Variants in WNT2B observed in about 807,000 individuals in gnomAD.
WNT2B encodes the protein Wnt family member 2B.
A neutral mutation model predicts 40.5 loss-of-function variants in WNT2B; 19 were observed. That is an observed-to-expected ratio of 0.47 (90% CI 0.33 to 0.69). WNT2B has a LOEUF of 0.69. WNT2B is among the 30% of genes least tolerant of loss of function. WNT2B has a pLI of 0.02. For missense variants in WNT2B, 467 were observed against 556.4 expected, an observed-to-expected ratio of 0.84 and a Z score of 1.62; for synonymous variants, 220 against 211.9, an observed-to-expected ratio of 1.04 and a Z score of -0.33.
intron 1 of WNT2B, among the ~76,000 whole-genome samples, chr1:112,488,826 T>G (rs902447829): frequency 1.3e-5 from 2 of 152,090 alleles, no homozygotes; most frequent in African/African-American, 4.8e-5. Flanking sequence ...GGTGCTGGGA[T>G]TACAAGCATG....
chr1:112,500,620 T>A (rs114309419), intron 1 of WNT2B, among the ~76,000 whole-genome samples: 9,038 of 151,878 alleles, frequency 0.06, 451 homozygotes, highest in Admixed American at 0.16. Context: ...AAATTTTTTT[T>A]AATTATTTAG....
intron 3 of WNT2B, 42 bp from the exon 4 acceptor site, chr1:112,517,079 T>C (rs1411817331): frequency 1.3e-6 from 2 of 1,589,640 alleles, no homozygotes; most frequent in Non-Finnish European, 1.7e-6. Context: ...AAATGTGTCC[T>C]GACCAGCTAC....
intron 1 of WNT2B, among the ~76,000 whole-genome samples, chr1:112,479,888 T>G (rs1008885263): frequency 4.6e-5 from 7 of 151,752 alleles, no homozygotes; most frequent in African/African-American, 1.7e-4. Context: ...TTTTCTGTAT[T>G]TTTTTAGTAG....
intron 1 of WNT2B, among the ~76,000 whole-genome samples, chr1:112,491,736 A>C (rs1270699576): frequency 1.3e-5 from 2 of 152,012 alleles, no homozygotes; most frequent in Non-Finnish European, 2.9e-5. Context: ...TTTTAAAATA[A>C]AAAAATTAGC....
At chr1:112,514,054 T>C (rs2101087551) in intron 1 of WNT2B, among the ~76,000 whole-genome samples, 1 of 152,370 alleles carries the variant, frequency 6.6e-6, no homozygotes, top group South Asian at 2.1e-4. Flanking sequence ...ACCTATTCTT[T>C]AGTAGCCCAT....
intron 1 of WNT2B, among the ~76,000 whole-genome samples, chr1:112,470,408 G>A (rs1281118577): frequency 1.3e-5 from 2 of 151,994 alleles, no homozygotes; most frequent in Non-Finnish European, 2.9e-5. Flanking sequence ...GGCCAATATG[G>A]TGAAAGCCCA....
chr1:112,484,298 C>CAT (rs1553230306), intron 1 of WNT2B, among the ~76,000 whole-genome samples: 49 of 116,434 alleles, frequency 4.2e-4, no homozygotes, highest in Non-Finnish European at 7.3e-4. Flanking sequence ...TATACACACA[C>CAT]ATATATATAG....
intron 1 of WNT2B, among the ~76,000 whole-genome samples, chr1:112,497,291 G>A (rs1475363033): frequency 2.0e-5 from 3 of 152,314 alleles, no homozygotes; most frequent in Middle Eastern, 3.4e-3. Context: ...GCAAGTCTTT[G>A]CCCGGGCCCT....
intron 1 of WNT2B, among the ~76,000 whole-genome samples, chr1:112,502,045 G>A (rs1214439767): frequency 6.6e-6 from 1 of 152,228 alleles, no homozygotes; most frequent in African/African-American, 2.4e-5. Flanking sequence ...GAAAGCGCCC[G>A]GAATCTTGGC....
Position 112,515,132 on chromosome 1 carries a change from T to C in WNT2B, c.403+38T>C. ...TCCATCCTGTGTCAGCTCCTTCCCT[T>C]TCTGTGCTGGGGGTGGTGAGTGGGA... On this transcript the variant is annotated intron_variant, in intron 2 of 4. Transcript: ENST00000369684. This position sits in a 1 kb window ranked among gnomAD's most constrained non-coding sequence, Gnocchi z 4.4. 3 of 1,598,616 alleles carry C rather than the reference T, an allele frequency of 1.9e-6. No homozygotes were observed.
intron 1 of WNT2B, among the ~76,000 whole-genome samples, chr1:112,484,688 A>G (rs1390146788): frequency 2.0e-5 from 3 of 151,648 alleles, no homozygotes; most frequent in Non-Finnish European, 4.4e-5. Context: ...ATTGCTTGAG[A>G]CCAGGAGTTC....
chr1:112,511,693 C>CT (rs1219115254), intron 1 of WNT2B, among the ~76,000 whole-genome samples: 4 of 152,202 alleles, frequency 2.6e-5, no homozygotes. Flanking sequence ...CCGGCATGTG[C>CT]TTTCCTGTTT....
chr1:112,518,799 T>TA (rs1652703875), intron 4 of WNT2B, among the ~76,000 whole-genome samples: 1 of 152,216 alleles, frequency 6.6e-6, no homozygotes, highest in South Asian at 2.1e-4. Context: ...TCAAAGAATA[T>TA]AAGTCATCCC....
At position 112,523,103 on chromosome 1, in the gene WNT2B, A is replaced by T. The variant is rs1652966832; in HGVS notation, c.*2594A>T. On this transcript the variant is annotated 3_prime_UTR_variant, in exon 5 of 5. Transcript: ENST00000369684. Reference sequence around the variant, plus strand: ...GAACATGCAGGTTACCACATAAATAATGGCATATGCCTTCCATAGGACGTC... The same window carrying T: ...GAACATGCAGGTTACCACATAAATATTGGCATATGCCTTCCATAGGACGTC... 1 of 152,188 alleles carries T rather than the reference A, an allele frequency of 6.6e-6. No homozygotes were observed. Among genetic ancestry groups the T allele is most frequent in the Admixed American group, 6.5e-5 (1 of 15,272 alleles). 9.4% of individuals were successfully genotyped at this position (152,188 alleles called of 1,614,324 possible).
chr1:112,487,203 TACAC>T (rs922445344), intron 1 of WNT2B, among the ~76,000 whole-genome samples: 3 of 152,192 alleles, frequency 2.0e-5, no homozygotes, highest in African/African-American at 7.2e-5. Flanking sequence ...TTAAAATCAA[TACAC>T]ACTATATGAT....
In WNT2B at chr1:112,528,546, C is replaced by T. The variant is rs1162259867; in HGVS notation, c.*8037C>T. ...TCAACAAAATGCTACATATCATTAACTACAGCTCCTTATCATTTGAGATTC... is the reference window on the plus strand; with the variant it reads ...TCAACAAAATGCTACATATCATTAATTACAGCTCCTTATCATTTGAGATTC... On this transcript the variant is annotated 3_prime_UTR_variant, in exon 5 of 5. Transcript: ENST00000369684. 1 of 152,194 alleles carries T rather than the reference C, an allele frequency of 6.6e-6. No individual in the cohort carries two copies. The highest frequency in any genetic ancestry group is 1.5e-5 in the Non-Finnish European group (1 of 68,026). 9.4% of individuals were successfully genotyped at this position (152,194 alleles called of 1,614,324 possible).
At chr1:112,507,340 C>G (rs1205956052), upstream of WNT2B, among the ~76,000 whole-genome samples, 1 of 152,156 alleles carries the variant, frequency 6.6e-6, no homozygotes, top group Admixed American at 6.5e-5. Flanking sequence ...ACCAATGGGT[C>G]CCTAGTGCCT....
intron 1 of WNT2B, among the ~76,000 whole-genome samples, chr1:112,491,406 C>G (rs558572016): frequency 1.3e-5 from 2 of 152,098 alleles, no homozygotes; most frequent in South Asian, 4.1e-4. Context: ...GACTCCGTCT[C>G]AATAAATAAA....
intron 1 of WNT2B, among the ~76,000 whole-genome samples, chr1:112,495,075 G>A (rs1358848001): frequency 6.6e-6 from 1 of 151,432 alleles, no homozygotes; most frequent in Admixed American, 6.6e-5. Flanking sequence ...TTATTTGAAA[G>A]TGGATTTGGG....
Sources: allele counts gnomAD v4.1 joint callset (sites outside exome capture counted in the v4.1 genomes callset), GRCh38; gene constraint gnomAD v4.1.1; non-coding constraint Gnocchi (gnomAD v3.1); transcripts MANE v1.5; gene names NCBI Gene and HGNC (gene_info 2026-07-23, HGNC 2026-07-21).